CFAP61: variants seen among roughly 807,000 people sequenced by gnomAD.
CFAP61 encodes the protein cilia and flagella associated protein 61.
Under a neutral mutation model 135.6 loss-of-function variants are expected in CFAP61, and 107 were observed. The ratio of observed to expected loss-of-function variants is 0.79; its 90% CI spans 0.67 to 0.93. CFAP61 has a LOEUF of 0.93. CFAP61 is among the 40% of genes least tolerant of loss of function. CFAP61 has a pLI of 0.00. For synonymous variants in CFAP61, 575 were observed against 578.5 expected (o/e 0.99, Z 0.09); for missense variants, 1,507 against 1,556.2 (o/e 0.97, Z 0.53).
At chr20:20,146,725 T>C (rs2051915122) in intron 9 of CFAP61, among the ~76,000 whole-genome samples, 1 of 152,216 alleles carries the variant, frequency 6.6e-6, no homozygotes, top group Non-Finnish European at 1.5e-5. Context: ...GGAGAAAACT[T>C]TTGTTAGTTG....
At chr20:20,086,605 C>T (rs188887445) in intron 6 of CFAP61, among the ~76,000 whole-genome samples, 32 of 152,180 alleles carry the variant, frequency 2.1e-4, no homozygotes, top group African/African-American at 6.0e-4. Context: ...ACTGCCCAGA[C>T]GCTGCCCCTT....
chr20:20,075,705 A>G lies in CFAP61; in HGVS notation c.566+90A>G, dbSNP rs898448815. ...TTTAAACTACCAATGCTAAGTGACT[A>G]TAGCTTAGATCAAAATTTTTTACAA... On this transcript the variant is annotated intron_variant, in intron 6 of 26. Transcript: ENST00000245957. 7 of 1,448,712 alleles carry G rather than the reference A, an allele frequency of 4.8e-6. No homozygotes were observed. In the African/African-American group the frequency reaches 9.9e-5, roughly 21 times the overall value. The allele number at this position is 1,448,712 out of a possible 1,614,324, so 89.7% of individuals were successfully genotyped here.
intron 14 of CFAP61, among the ~76,000 whole-genome samples, chr20:20,188,518 C>T (rs1008497): frequency 0.29 from 43,357 of 151,910 alleles, 6,765 homozygotes; most frequent in East Asian, 0.62. Flanking sequence ...GTTGAGCTGG[C>T]TGCATCCCCC....
chr20:20,305,069 C>G (rs1205903851), intron 25 of CFAP61, among the ~76,000 whole-genome samples: 1 of 152,208 alleles, frequency 6.6e-6, no homozygotes, highest in East Asian at 1.9e-4. Context: ...TTAACATGCT[C>G]AGCTCTCAAA....
At chr20:20,291,451 A>G (rs1569251671) in intron 24 of CFAP61, among the ~76,000 whole-genome samples, 1 of 152,200 alleles carries the variant, frequency 6.6e-6, no homozygotes, top group Non-Finnish European at 1.5e-5. Flanking sequence ...TTCACTTAGT[A>G]ATATCCATTT....
chr20:20,332,434 A>G (rs926582993), intron 25 of CFAP61, among the ~76,000 whole-genome samples: 2 of 152,174 alleles, frequency 1.3e-5, no homozygotes, highest in Non-Finnish European at 2.9e-5. Flanking sequence ...TGCCATCTCA[A>G]TATGTTCAGT....
chr20:20,090,188 T>C (rs1421994969), intron 6 of CFAP61, among the ~76,000 whole-genome samples: 1 of 152,150 alleles, frequency 6.6e-6, no homozygotes, highest in African/African-American at 2.4e-5. Flanking sequence ...GCCAACTGTG[T>C]TCCCTCTGCC....
chr20:20,250,954 C>T (rs755312988), intron 19 of CFAP61, among the ~76,000 whole-genome samples: 4 of 152,222 alleles, frequency 2.6e-5, no homozygotes, highest in Admixed American at 1.3e-4. Flanking sequence ...TCGAAGTCTC[C>T]GTTCCTAGAA....
intron 26 of CFAP61, among the ~76,000 whole-genome samples, chr20:20,343,311 C>T (rs912412126): frequency 6.6e-6 from 1 of 152,236 alleles, no homozygotes; most frequent in Non-Finnish European, 1.5e-5. Context: ...TTCAGTTTCA[C>T]TCCCAGGGTC....
At chr20:20,101,721 G>A (rs1355007822) in intron 8 of CFAP61, among the ~76,000 whole-genome samples, 1 of 151,998 alleles carries the variant, frequency 6.6e-6, no homozygotes, top group Non-Finnish European at 1.5e-5. Context: ...TGCCTCCCGG[G>A]TTCAGGTGAG....
intron 8 of CFAP61, among the ~76,000 whole-genome samples, chr20:20,125,831 A>G (rs986817541): frequency 2.6e-5 from 4 of 151,730 alleles, no homozygotes; most frequent in East Asian, 3.9e-4. Flanking sequence ...GTCCCCCACT[A>G]TTATTGTGTT....
At chr20:20,063,839 G>A (rs2045012347) in intron 2 of CFAP61, among the ~76,000 whole-genome samples, 3 of 152,152 alleles carry the variant, frequency 2.0e-5, no homozygotes, top group Admixed American at 2.0e-4. Context: ...GTTCAAAATT[G>A]CTGGCTATGA....
Position 20,101,870 on chromosome 20 carries a change from C to T in CFAP61, c.859+3056C>T, listed in dbSNP as rs139391642. ...CTTGAACTCCGGGCCTCAGGTGATC[C>T]GCCCACCTCGGCTTCCCAAAGTGCT... On this transcript the variant is annotated intron_variant, in intron 8 of 26. Coordinates refer to ENST00000245957, the MANE Select transcript of CFAP61 (RefSeq NM_015585.4). Among the ~76,000 whole-genome samples, 156 of 152,196 alleles carry T rather than the reference C, an allele frequency of 1.0e-3. 2 individuals are homozygous for T. In the East Asian group the frequency reaches 0.018, roughly 18 times the overall value.
At chr20:20,149,187 A>G (rs990433758) in intron 9 of CFAP61, among the ~76,000 whole-genome samples, 1 of 152,254 alleles carries the variant, frequency 6.6e-6, no homozygotes, top group African/African-American at 2.4e-5. Context: ...ATTATGGGCT[A>G]TAAAACAAGA....
chr20:20,350,637 A>AAAAC (rs199723569), intron 26 of CFAP61, among the ~76,000 whole-genome samples: 3 of 152,218 alleles, frequency 2.0e-5, no homozygotes, highest in Non-Finnish European at 4.4e-5. Flanking sequence ...TCAAAAAAAC[A>AAAAC]AAACAAACAA....
rs554632685 is a variant in CFAP61 at position 20,112,542 on chromosome 20, G to A, written c.859+13728G>A. Among the ~76,000 whole-genome samples, 10 of 151,504 alleles carry A rather than the reference G, an allele frequency of 6.6e-5. No individual in the cohort carries two copies. In the South Asian group the frequency reaches 1.7e-3, roughly 25 times the overall value. On this transcript the variant is annotated intron_variant, in intron 8 of 26. Coordinates refer to ENST00000245957, the MANE Select transcript of CFAP61 (RefSeq NM_015585.4). ...AACAAATCCTTTGAGATTTTCCAGG[G>A]GCTTTCTGGAAAGTCAGGAATTTAT...
intron 8 of CFAP61, among the ~76,000 whole-genome samples, chr20:20,121,052 G>A (rs911803558): frequency 1.3e-5 from 2 of 149,134 alleles, no homozygotes; most frequent in Admixed American, 1.3e-4. Flanking sequence ...GCAGCATATA[G>A]TTGGGTCTTG....
chr20:20,115,025 C>G (rs1202248992), intron 8 of CFAP61, among the ~76,000 whole-genome samples: 1 of 152,068 alleles, frequency 6.6e-6, no homozygotes, highest in Non-Finnish European at 1.5e-5. Flanking sequence ...AGATGAATTA[C>G]ATTGATTGAC....
chr20:20,173,844 C>T (rs1256395425), intron 13 of CFAP61, among the ~76,000 whole-genome samples: 2 of 152,090 alleles, frequency 1.3e-5, no homozygotes, highest in Admixed American at 1.3e-4. Flanking sequence ...TGAGATGATA[C>T]GGATCTAGGA....
Sources: allele counts gnomAD v4.1 joint callset (sites outside exome capture counted in the v4.1 genomes callset), GRCh38; gene constraint gnomAD v4.1.1; transcripts MANE v1.5; gene names NCBI Gene and HGNC (gene_info 2026-07-23, HGNC 2026-07-21).